The following SATB2 variants were observed in gnomAD, a reference collection of about 807,000 sequenced individuals.
SATB2 encodes the protein SATB homeobox 2.
Under a neutral mutation model 73.4 loss-of-function variants are expected in SATB2, and 1 was observed. That is an observed-to-expected ratio of 0.01 (90% CI 0.00 to 0.06). SATB2 has a LOEUF of 0.06. Among genes scored for constraint, SATB2 ranks in the 10% least tolerant of loss-of-function variants. SATB2 has a pLI of 1.00. For missense variants in SATB2, 459 were observed against 945.8 expected (o/e 0.49, Z 6.75); for synonymous variants, 397 against 367.0 (o/e 1.08, Z -0.93).
chr2:199,339,465 A>AT (rs1688438649), intron 7 of SATB2, among the ~76,000 whole-genome samples: 1 of 152,188 alleles, frequency 6.6e-6, no homozygotes, highest in Non-Finnish European at 1.5e-5. Context: ...AAAAGAGGGT[A>AT]TATTATTTAC....
At chr2:199,354,050 A>G (rs751909160) in intron 6 of SATB2, among the ~76,000 whole-genome samples, 2 of 152,188 alleles carry the variant, frequency 1.3e-5, no homozygotes, top group Non-Finnish European at 2.9e-5. Flanking sequence ...CTTACTTATT[A>G]AAGAGACAGT....
chr2:199,385,443 C>T (rs374709683), intron 3 of SATB2, among the ~76,000 whole-genome samples: 2 of 152,116 alleles, frequency 1.3e-5, no homozygotes, highest in Admixed American at 6.5e-5. Context: ...TAGCCCTCCC[C>T]TACTTTAAAA....
upstream of SATB2, chr2:199,468,059 T>G (rs1692626895): frequency 1.3e-5 from 2 of 150,618 alleles, no homozygotes; most frequent in African/African-American, 4.9e-5. Flanking sequence ...TTTTTCTTTC[T>G]CTCTCTCTCT....
chr2:199,445,336 G>T (rs1288498522), intron 2 of SATB2, among the ~76,000 whole-genome samples: 2 of 152,160 alleles, frequency 1.3e-5, no homozygotes, highest in African/African-American at 4.8e-5. Context: ...TTCCACAGGA[G>T]AATGTTCAGT....
At chr2:199,453,274 A>T (rs1692181514) in intron 2 of SATB2, among the ~76,000 whole-genome samples, 1 of 152,116 alleles carries the variant, frequency 6.6e-6, no homozygotes. Context: ...AACAGCTTTT[A>T]AGAAAGAGGA....
intron 5 of SATB2, 124 bp from the exon 6 acceptor site, chr2:199,368,831 G>A: frequency 1.6e-6 from 1 of 626,988 alleles, no homozygotes; most frequent in Non-Finnish European, 2.8e-6. Flanking sequence ...TCACTCTCCT[G>A]TAAACTGAAC....
chr2:199,371,901 A>G (rs1280366572), intron 5 of SATB2, among the ~76,000 whole-genome samples: 2 of 152,174 alleles, frequency 1.3e-5, no homozygotes, highest in East Asian at 3.9e-4. Context: ...TAATATTAAA[A>G]TGATTTTGCA....
intron 3 of SATB2, among the ~76,000 whole-genome samples, chr2:199,430,775 C>T (rs773787394): frequency 4.6e-5 from 7 of 152,202 alleles, no homozygotes; most frequent in Non-Finnish European, 8.8e-5. Flanking sequence ...ACCTGCTGCC[C>T]TGTCATTGGG....
At chr2:199,442,229 T>C (rs1691837441) in intron 2 of SATB2, among the ~76,000 whole-genome samples, 2 of 152,198 alleles carry the variant, frequency 1.3e-5, no homozygotes, top group Admixed American at 6.5e-5. Flanking sequence ...TCTGGCCCCA[T>C]TGCACTGCAC....
chr2:199,418,490 A>T (rs2105911226), intron 3 of SATB2, among the ~76,000 whole-genome samples: 1 of 152,348 alleles, frequency 6.6e-6, no homozygotes, highest in African/African-American at 2.4e-5. Flanking sequence ...AAATTATTTT[A>T]AAAACTAATA....
At chr2:199,375,430 T>G (rs1035035638) in intron 5 of SATB2, among the ~76,000 whole-genome samples, 1 of 152,158 alleles carries the variant, frequency 6.6e-6, no homozygotes, top group Non-Finnish European at 1.5e-5. Context: ...TCCAAGCATC[T>G]GGCCAGACAG....
chr2:199,456,209 C>T (rs955377212), intron 1 of SATB2, 113 bp from the exon 2 acceptor site: 1 of 711,830 alleles, frequency 1.4e-6, no homozygotes, highest in East Asian at 2.7e-5. Context: ...GCCACACAAA[C>T]TTCCTCCCAC....
At chr2:199,442,359 T>C (rs1369452764) in intron 2 of SATB2, among the ~76,000 whole-genome samples, 1 of 152,280 alleles carries the variant, frequency 6.6e-6, no homozygotes, top group Admixed American at 6.5e-5. Flanking sequence ...TGACCACTAT[T>C]GACAGAACTT....
At position 199,270,348 on chromosome 2, in the gene SATB2, T is replaced by C. The variant is rs1692116384; in HGVS notation, c.*1863A>G. On this transcript the variant is annotated 3_prime_UTR_variant, in exon 11 of 11. Coordinates refer to ENST00000417098, the MANE Select transcript of SATB2 (RefSeq NM_001172509.2). ...CTGTATATTGTAAGTTCTGAGTTAATATCTACACATAGAGGTTTTTTTTTT... is the reference window on the plus strand; with the variant it reads ...CTGTATATTGTAAGTTCTGAGTTAACATCTACACATAGAGGTTTTTTTTTT... 6.6e-6 allele frequency: 1 copy of C among 152,120 alleles called. No individual in the cohort carries two copies. Among genetic ancestry groups the C allele is most frequent in the African/African-American group, 2.4e-5 (1 of 41,144 alleles). 9.4% of individuals were successfully genotyped at this position (152,120 alleles called of 1,614,324 possible).
At chr2:199,460,871 CTATT>C (rs1270397130), upstream of SATB2, among the ~76,000 whole-genome samples, 2 of 152,152 alleles carry the variant, frequency 1.3e-5, no homozygotes, top group Non-Finnish European at 2.9e-5. This position sits in a 1 kb window ranked among gnomAD's most constrained non-coding sequence, Gnocchi z 4.0. Flanking sequence ...CTGAGAAGGA[CTATT>C]TAAATGAAAT....
At chr2:199,282,327 G>A (rs555490282) in intron 10 of SATB2, among the ~76,000 whole-genome samples, 2 of 152,160 alleles carry the variant, frequency 1.3e-5, no homozygotes, top group South Asian at 2.1e-4. Context: ...TATATCTAGT[G>A]TGTATCTGAG....
chr2:199,291,368 A>T (rs1331358427), intron 10 of SATB2, among the ~76,000 whole-genome samples: 1 of 152,218 alleles, frequency 6.6e-6, no homozygotes, highest in Middle Eastern at 3.2e-3. Context: ...TTCTAAAAAT[A>T]TGCATCTGAA....
chr2:199,319,378 C>T (rs1426441741), intron 9 of SATB2, among the ~76,000 whole-genome samples: 1 of 152,074 alleles, frequency 6.6e-6, no homozygotes, highest in African/African-American at 2.4e-5. Context: ...ACCAGAGACC[C>T]CCCTGGTTCC....
At chr2:199,278,244 G>A (rs192974868) in intron 10 of SATB2, among the ~76,000 whole-genome samples, 98 of 152,280 alleles carry the variant, frequency 6.4e-4, no homozygotes, top group African/African-American at 2.3e-3. Context: ...AAGGCTGCCA[G>A]GCAAGAATAT....
Sources: allele counts gnomAD v4.1 joint callset (sites outside exome capture counted in the v4.1 genomes callset), GRCh38; gene constraint gnomAD v4.1.1; non-coding constraint Gnocchi (gnomAD v3.1); transcripts MANE v1.5; gene names NCBI Gene and HGNC (gene_info 2026-07-23, HGNC 2026-07-21).